LRP1B: variants seen among roughly 807,000 people sequenced by gnomAD.
The protein encoded by LRP1B is LDL receptor related protein 1B, also known as low-density lipoprotein receptor-related protein 1B.
LRP1B carries 217 observed loss-of-function variants against 556.6 expected under a neutral mutation model. That is an observed-to-expected ratio of 0.39 (90% CI 0.35 to 0.44). The LOEUF (loss-of-function observed/expected upper bound fraction) is 0.44. Ranked by LOEUF, LRP1B falls within the 20% of genes least tolerant of loss-of-function variation. The pLI is 1.00. For missense variants in LRP1B, 5,053 were observed against 5,620.8 expected, an observed-to-expected ratio of 0.90 and a Z score of 3.23; for synonymous variants, 2,047 against 1,865.8, an observed-to-expected ratio of 1.10 and a Z score of -2.50.
intron 1 of LRP1B, among the ~76,000 whole-genome samples, chr2:141,942,001 T>C (rs1318730970): frequency 6.6e-6 from 1 of 152,232 alleles, no homozygotes; most frequent in African/African-American, 2.4e-5. Flanking sequence ...AACATTGTAT[T>C]TAATCTCTTC....
chr2:140,621,376 C>G (rs1284569719), intron 41 of LRP1B, among the ~76,000 whole-genome samples: 1 of 115,860 alleles, frequency 8.6e-6, no homozygotes, highest in African/African-American at 3.3e-5. Flanking sequence ...CAGAGCGAGA[C>G]TCTGTCTCAA....
chr2:140,770,565 A>C (rs1689274516), intron 34 of LRP1B, among the ~76,000 whole-genome samples: 1 of 152,008 alleles, frequency 6.6e-6, no homozygotes, highest in Non-Finnish European at 1.5e-5. Flanking sequence ...CAGCCAATCA[A>C]GTACTGCTTT....
chr2:141,717,133 A>G (rs546897554), intron 2 of LRP1B, among the ~76,000 whole-genome samples: 20 of 152,306 alleles, frequency 1.3e-4, no homozygotes, highest in African/African-American at 4.8e-4. Flanking sequence ...GTCAGTAAAA[A>G]TTAATCTCTT....
chr2:141,458,217 A>G (rs574473987), intron 3 of LRP1B, among the ~76,000 whole-genome samples: 1 of 152,322 alleles, frequency 6.6e-6, no homozygotes, highest in East Asian at 1.9e-4. Flanking sequence ...TTGAGAACAA[A>G]TAATTGTGAG....
chr2:140,699,825 T>C (rs1311401404), intron 41 of LRP1B, among the ~76,000 whole-genome samples: 5 of 147,098 alleles, frequency 3.4e-5, no homozygotes, highest in Admixed American at 2.1e-4. Context: ...TATATACACA[T>C]ATATACAGAA....
intron 3 of LRP1B, among the ~76,000 whole-genome samples, chr2:141,264,516 A>C (rs2105356826): frequency 6.6e-6 from 1 of 152,166 alleles, no homozygotes; most frequent in African/African-American, 2.4e-5. Context: ...AGTGCAATGG[A>C]ACCATCTCCC....
Position 140,985,650 on chromosome 2 carries a change from A to G in LRP1B, c.2771-3374T>C, listed in dbSNP as rs567737912. 1.2e-4 allele frequency among the ~76,000 whole-genome samples: 19 copies of G among 152,002 alleles called. 1 individual carries two copies. The highest frequency in any genetic ancestry group is 4.3e-4 in the African/African-American group (18 of 41,458). ...GTCCACTTGCTCCAGCCCACTGTGT[A>G]TGTGCTGTTTCCTCTTCTGGGCAAA... On this transcript the variant is annotated intron_variant, in intron 17 of 90. Transcript: ENST00000389484.
At chr2:141,530,749 C>G (rs555061480) in intron 2 of LRP1B, among the ~76,000 whole-genome samples, 8 of 151,994 alleles carry the variant, frequency 5.3e-5, no homozygotes, top group Non-Finnish European at 1.0e-4. Flanking sequence ...TGGGTGGTGT[C>G]AGCTACAGGT....
chr2:142,115,527 A>ATATATAATATATAT (rs1707172072), intron 1 of LRP1B, among the ~76,000 whole-genome samples: 2 of 54,952 alleles, frequency 3.6e-5, no homozygotes, highest in African/African-American at 1.2e-4. Context: ...CATATATAAT[A>ATATATAATATATAT]TATATATTAC....
intron 3 of LRP1B, among the ~76,000 whole-genome samples, chr2:141,397,552 T>C (rs530825901): frequency 6.6e-6 from 1 of 152,080 alleles, no homozygotes; most frequent in East Asian, 1.9e-4. Context: ...TAAAGGAAAC[T>C]GACTTAATAG....
chr2:141,815,345 A>G (rs1489645752), intron 1 of LRP1B, among the ~76,000 whole-genome samples: 2 of 152,206 alleles, frequency 1.3e-5, no homozygotes, highest in Non-Finnish European at 2.9e-5. Flanking sequence ...AGGTGAAGCC[A>G]GCTGGGTCGA....
At chr2:140,607,601 C>T (rs973224399) in intron 41 of LRP1B, among the ~76,000 whole-genome samples, 32 of 151,354 alleles carry the variant, frequency 2.1e-4, no homozygotes, top group Non-Finnish European at 4.0e-4. Flanking sequence ...AACTGAAGCA[C>T]ACATATATGC....
chr2:140,443,104 A>G (rs1382497624), intron 65 of LRP1B, among the ~76,000 whole-genome samples: 3 of 152,200 alleles, frequency 2.0e-5, no homozygotes, highest in African/African-American at 7.2e-5. Context: ...TCTGTTGTCC[A>G]GGCTGGAGTT....
At chr2:141,115,454 TTTTG>T (rs1700864582) in intron 7 of LRP1B, among the ~76,000 whole-genome samples, 1 of 99,608 alleles carries the variant, frequency 1.0e-5, no homozygotes, top group Admixed American at 1.1e-4. Flanking sequence ...AGGTTTTTGT[TTTTG>T]TTTTTTTTTT....
chr2:141,138,355 A>G (rs1452803021), intron 7 of LRP1B, among the ~76,000 whole-genome samples: 1 of 151,996 alleles, frequency 6.6e-6, no homozygotes, highest in Non-Finnish European at 1.5e-5. Context: ...AAGAACAGGA[A>G]CAAGACAAGA....
At chr2:141,470,198 G>A (rs1682408254) in intron 3 of LRP1B, among the ~76,000 whole-genome samples, 2 of 152,282 alleles carry the variant, frequency 1.3e-5, no homozygotes, top group African/African-American at 4.8e-5. Flanking sequence ...CATCATGAAA[G>A]TTGAAATTTC....
chr2:140,528,467 GAGT>G (rs1478519317), intron 47 of LRP1B, among the ~76,000 whole-genome samples: 1 of 151,856 alleles, frequency 6.6e-6, no homozygotes, highest in Non-Finnish European at 1.5e-5. Context: ...ACAGAACAAA[GAGT>G]AGAAGATTTG....
chr2:141,429,819 T>C (rs1329046251), intron 3 of LRP1B, among the ~76,000 whole-genome samples: 1 of 152,110 alleles, frequency 6.6e-6, no homozygotes, highest in Admixed American at 6.6e-5. Context: ...AAGGACATGA[T>C]TGGTTAAGGT....
At chr2:140,533,028 G>T in intron 47 of LRP1B, among the ~76,000 whole-genome samples, 1 of 138,362 alleles carries the variant, frequency 7.2e-6, no homozygotes, top group Non-Finnish European at 1.6e-5. Context: ...CGTGTCTCAT[G>T]AATTTTGCGT....
Sources: gnomAD v4.1 joint callset for allele counts (sites outside exome capture counted in the v4.1 genomes callset) on GRCh38, gnomAD v4.1.1 for gene constraint, MANE v1.5 for transcripts, NCBI Gene and HGNC (gene_info 2026-07-23, HGNC 2026-07-21) for gene names.